The following PTGS2 variants were observed in gnomAD, a reference collection of about 807,000 sequenced individuals.
PTGS2 encodes the protein prostaglandin-endoperoxide synthase 2, also known as prostaglandin G/H synthase 2.
In PTGS2, 14 loss-of-function variants were observed where a neutral mutation model predicts 63.8. The ratio of observed to expected loss-of-function variants is 0.22; its 90% CI spans 0.14 to 0.34. The LOEUF is 0.34. Ranked by LOEUF, PTGS2 falls within the 10% of genes least tolerant of loss-of-function variation. The pLI, the probability that PTGS2 is intolerant of heterozygous loss-of-function variation, is 1.00. For synonymous variants in PTGS2, 271 were observed against 259.5 expected, an observed-to-expected ratio of 1.04 and a Z score of -0.43; for missense variants, 533 against 738.5, an observed-to-expected ratio of 0.72 and a Z score of 3.23.
Position 186,671,854 on chromosome 1 carries a change from AACAG to A in PTGS2, c.*2495_*2498del, listed in dbSNP as rs1225897781. Reference sequence around the variant, plus strand: ...TCAATTTTTAAATAGTACAAAAATAAACAGACATTTATTTCCAGACTTATCTTTT... The same window carrying A: ...TCAATTTTTAAATAGTACAAAAATAAACATTTATTTCCAGACTTATCTTTT... On this transcript the variant is annotated 3_prime_UTR_variant, in exon 10 of 10. Coordinates refer to ENST00000367468, the MANE Select transcript of PTGS2 (RefSeq NM_000963.4). The A allele has an allele frequency of 1.3e-5, 2 of 152,196 alleles. No individual in the cohort carries two copies. The highest frequency in any genetic ancestry group is 4.8e-5 in the African/African-American group (2 of 41,454). The allele number at this position is 152,196 out of a possible 1,614,324, so 9.4% of individuals were successfully genotyped here. A position where few individuals can be genotyped will look rare whatever the true frequency, so the allele number is the denominator to read the frequency against.
At chr1:186,676,211 A>T (rs1399684425) in intron 7 of PTGS2, 27 bp from the exon 8 acceptor site, 1 of 1,547,570 alleles carries the variant, frequency 6.5e-7, no homozygotes, top group African/African-American at 1.4e-5. Flanking sequence ...AATAATAAAA[A>T]CATTTATTGC....
At chr1:186,677,969 A>G in intron 4 of PTGS2, 139 bp from the exon 5 acceptor site, 1 of 807,006 alleles carries the variant, frequency 1.2e-6, no homozygotes. Context: ...AACAGTTCTA[A>G]GATATGGTGG....
rs887770390 is a variant in PTGS2, at chr1:186,680,376, G to A, written c.-86C>T. The A allele has an allele frequency of 2.0e-6, 2 of 1,008,140 alleles. No individual in the cohort carries two copies. Among genetic ancestry groups the A allele is most frequent in the Admixed American group, 2.7e-5 (1 of 37,332 alleles). 62.4% of individuals were successfully genotyped at this position (1,008,140 alleles called of 1,614,324 possible). A position where few individuals can be genotyped will look rare whatever the true frequency, so the allele number is the denominator to read the frequency against. ...TGGAGCTGAAGGAGGCGCTGCTGAGGAGTTCCTGGACGTGCTCCTGACGCT... is the reference window on the plus strand; with the variant it reads ...TGGAGCTGAAGGAGGCGCTGCTGAGAAGTTCCTGGACGTGCTCCTGACGCT... On this transcript the variant is annotated 5_prime_UTR_variant, in exon 1 of 10. Transcript: ENST00000367468.
In PTGS2 at chr1:186,674,584, A is replaced by C. The variant is rs754687795; in HGVS notation, c.1584T>G (p.Pro528=). 8.7e-6 allele frequency: 14 copies of C among 1,614,118 alleles called. No individual in the cohort carries two copies. Among genetic ancestry groups the C allele is most frequent in the African/African-American group, 1.3e-5 (1 of 74,946 alleles). Reference sequence around the variant, plus strand: ...CAAAAGTGCTTGGCTTCCAGTAGGCAGGAGAACATATAACATTACCCATAA... The same window carrying C: ...CAAAAGTGCTTGGCTTCCAGTAGGCCGGAGAACATATAACATTACCCATAA... ...KGLMGNVICS[P]AYWKPSTFGG... is the part of the protein sequence containing the mutation. Residue 528 remains proline (P), a synonymous_variant, in exon 10 of 10, where the codon CCT becomes CCG. Coordinates refer to ENST00000367468, the MANE Select transcript of PTGS2 (RefSeq NM_000963.4).
rs200583134 is a variant in PTGS2 at position 186,674,534 on chromosome 1, A to G, written c.1634T>C (p.Ile545Thr). Residue 545 changes from isoleucine (I) to threonine (T), a missense_variant, in exon 10 of 10, where the codon ATC (isoleucine) becomes ACC (threonine). Coordinates refer to ENST00000367468, the MANE Select transcript of PTGS2 (RefSeq NM_000963.4). Reference sequence around the variant, plus strand: ...GAGAGACTGAATTGAGGCAGTGTTGATGATTTGAAAACCCACTTCTCCACC... The same window carrying G: ...GAGAGACTGAATTGAGGCAGTGTTGGTGATTTGAAAACCCACTTCTCCACC... ...TFGGEVGFQI[I>T]NTASIQSLIC... The G allele has an allele frequency of 1.9e-6, 3 of 1,614,194 alleles. No homozygotes were observed. Among genetic ancestry groups the G allele is most frequent in the Non-Finnish European group, 1.7e-6 (2 of 1,180,036 alleles).
At chr1:186,679,002 T>C in intron 3 of PTGS2, 56 bp downstream of exon 3, 2 of 1,547,544 alleles carry the variant, frequency 1.3e-6, no homozygotes, top group East Asian at 2.2e-5. Flanking sequence ...TACAGTATTA[T>C]AAAGCATATT....
chr1:186,677,339 G>GT (rs1665798823), intron 5 of PTGS2, among the ~76,000 whole-genome samples: 2 of 152,184 alleles, frequency 1.3e-5, no homozygotes, highest in East Asian at 3.9e-4. Context: ...TGTTTTTGAG[G>GT]ACATAACATT....
chr1:186,676,169 A>G lies in PTGS2; in HGVS notation c.986T>C (p.Ile329Thr). ...RLILIGETIK[I>T]VIEDYVQHLS... ...GTGTTGCACATAATCTTCAATCACA[A>G]TCTTAATAGTCTCTCCTATTTGCAC... Residue 329 changes from isoleucine (I) to threonine (T), a missense_variant, in exon 8 of 10, where the codon ATT becomes ACT. Physicochemically the swap from Ile to Thr is moderately conservative, Grantham distance 89 (BLOSUM62 -1). Around this residue, in one of 5 missense-constraint regions of PTGS2, gnomAD observed 67 missense variants for 152.6 expected, o/e 0.44. Coordinates refer to ENST00000367468, the MANE Select transcript of PTGS2 (RefSeq NM_000963.4). 1 of 1,610,180 alleles carries G rather than the reference A, an allele frequency of 6.2e-7. No individual in the cohort carries two copies. The highest frequency in any genetic ancestry group is 8.5e-7 in the Non-Finnish European group (1 of 1,176,898).
rs1364188076 is a variant in PTGS2 at position 186,676,693 on chromosome 1, A to G, written c.744T>C (p.Tyr248=). ...MKYQIIDGEM[Y]PPTVKDTQAE... ...CCTGAGTATCTTTGACTGTGGGAGG[A>G]TACATCTCTCCATCAATTATCTAAA... is the stretch of plus-strand genomic sequence containing the variant. Residue 248 remains tyrosine (Y), a synonymous_variant, in exon 7 of 10, where the codon TAT becomes TAC. Coordinates refer to ENST00000367468, the MANE Select transcript of PTGS2 (RefSeq NM_000963.4). 2.5e-6 allele frequency: 4 copies of G among 1,612,346 alleles called. No individual in the cohort carries two copies. The Admixed American group carries it at 6.7e-5, about 27-fold the overall frequency.
Position 186,680,301 on chromosome 1 carries a change from G to A in PTGS2, c.-11C>T. ...GGCGCGGGCGAGCATCGCAGCGGCG[G>A]GCAGGGCGCGGCGCGGGGGTAGGCT... is the stretch of plus-strand genomic sequence containing the variant. On this transcript the variant is annotated 5_prime_UTR_variant, in exon 1 of 10. Transcript: ENST00000367468. 1 of 1,537,254 alleles carries A rather than the reference G, an allele frequency of 6.5e-7. No individual in the cohort carries two copies.
At position 186,678,280 on chromosome 1, in the gene PTGS2, C is replaced by T. The variant is rs201238353; in HGVS notation, c.438G>A (p.Pro146=). 42 of 1,609,656 alleles carry T rather than the reference C, an allele frequency of 2.6e-5. No individual in the cohort carries two copies. The African/African-American group carries it at 3.7e-4, about 14-fold the overall frequency. The change falls in exon 4 of 10, where the codon CCG becomes CCA. Residue 146 remains proline (P), a synonymous_variant. Transcript: ENST00000367468. The part of the protein sequence containing the change: ...RALPPVPDDC[P]TPLGVKGKKQ... ...ACTCACCTTTGACACCCAAGGGAGTCGGGCAATCATCAGGCACAGGAGGAA... is the reference window on the plus strand; with the variant it reads ...ACTCACCTTTGACACCCAAGGGAGTTGGGCAATCATCAGGCACAGGAGGAA...
rs943555930 is a variant in PTGS2 at position 186,673,627 on chromosome 1, A to G, written c.*726T>C. 1 of 152,188 alleles carries G rather than the reference A, an allele frequency of 6.6e-6. No homozygotes were observed. The highest frequency in any genetic ancestry group is 6.5e-5 in the Admixed American group (1 of 15,284). 9.4% of individuals were successfully genotyped at this position (152,188 alleles called of 1,614,324 possible). A position where few individuals can be genotyped will look rare whatever the true frequency, so the allele number is the denominator to read the frequency against. On this transcript the variant is annotated 3_prime_UTR_variant, in exon 10 of 10. Coordinates refer to ENST00000367468, the MANE Select transcript of PTGS2 (RefSeq NM_000963.4). ...TAACAGTCACACTAAAAAGGTTTAT[A>G]CTCTTGGTGAAAAAGGAACATCACT... is the stretch of plus-strand genomic sequence containing the variant.
rs16825745 is a variant in PTGS2 at position 186,677,308 on chromosome 1, C to T, written c.639+341G>A. Among the ~76,000 whole-genome samples, 23 of 152,134 alleles carry T rather than the reference C, an allele frequency of 1.5e-4. No individual in the cohort carries two copies. The East Asian group carries it at 3.3e-3, about 22-fold the overall frequency. ...AAACCTCACTTTACAATATTGAAAG[C>T]GGCATAATCATGGTACAATGTGTTT... On this transcript the variant is annotated intron_variant, in intron 5 of 9. Transcript: ENST00000367468.
Position 186,674,536 on chromosome 1 carries a change from G to T in PTGS2, c.1632C>A (p.Ile544=). 7 of 1,614,172 alleles carry T rather than the reference G, an allele frequency of 4.3e-6. No individual in the cohort carries two copies. The highest frequency in any genetic ancestry group is 5.9e-6 in the Non-Finnish European group (7 of 1,180,042). Residue 544 remains isoleucine, a synonymous_variant, in exon 10 of 10, where the codon ATC becomes ATA. Coordinates refer to ENST00000367468, the MANE Select transcript of PTGS2 (RefSeq NM_000963.4). ...GAGACTGAATTGAGGCAGTGTTGAT[G>T]ATTTGAAAACCCACTTCTCCACCAA... The part of the protein sequence containing the change: ...STFGGEVGFQ[I]INTASIQSLI...
chr1:186,672,173 A>C lies in PTGS2; in HGVS notation c.*2180T>G, dbSNP rs1665700563. The C allele has an allele frequency of 6.6e-6, 1 of 151,932 alleles. No homozygotes were observed. The highest frequency in any genetic ancestry group is 1.5e-5 in the Non-Finnish European group (1 of 67,958). The allele number at this position is 151,932 out of a possible 1,614,324, so 9.4% of individuals were successfully genotyped here. The stretch of plus-strand genomic sequence containing the variant: ...TTCAATTATTTATATAAATACTATT[A>C]TCTGTAATCAGCGTTTGATTTAAAA... On this transcript the variant is annotated 3_prime_UTR_variant, in exon 10 of 10. Transcript: ENST00000367468.
At position 186,674,772 on chromosome 1, in the gene PTGS2, C is replaced by T. The variant is rs770308925; in HGVS notation, c.1406-10G>A. 27 of 1,590,936 alleles carry T rather than the reference C, an allele frequency of 1.7e-5. No homozygotes were observed. In the African/African-American group the frequency reaches 2.0e-4, roughly 12 times the overall value. ...GACATTTCCTTTTCTCCTGTGAAGG[C>T]GATGAAGACAGAGATACAACCAATG... is the stretch of plus-strand genomic sequence containing the variant. On this transcript the variant is annotated splice_polypyrimidine_tract_variant and intron_variant, in intron 9 of 9. Coordinates refer to ENST00000367468, the MANE Select transcript of PTGS2 (RefSeq NM_000963.4).
chr1:186,675,467 A>G (rs2102005189), intron 8 of PTGS2, 71 bp from the exon 9 acceptor site: 1 of 1,548,564 alleles, frequency 6.5e-7, no homozygotes, highest in South Asian at 1.2e-5. Flanking sequence ...AGCTTGCCTT[A>G]GGTACAAATC....
rs1474651176 is a variant in PTGS2, at chr1:186,675,409, A to C, written c.1258-13T>G. 6.2e-7 allele frequency: 1 copy of C among 1,606,528 alleles called. No homozygotes were observed. Among genetic ancestry groups the C allele is most frequent in the Non-Finnish European group, 8.5e-7 (1 of 1,178,332 alleles). On this transcript the variant is annotated splice_polypyrimidine_tract_variant and intron_variant, in intron 8 of 9. Transcript: ENST00000367468. ...TACCACCAGCAACCTGTGGAAAGTA[A>C]AATTAGTTGTAAAACAAGAATTTTA...
chr1:186,674,995 G>A (rs1665754626), intron 9 of PTGS2, among the ~76,000 whole-genome samples: 1 of 152,124 alleles, frequency 6.6e-6, no homozygotes, highest in Non-Finnish European at 1.5e-5. Context: ...TGGCTAACAC[G>A]GTGAAACCCC....
Sources: allele counts gnomAD v4.1 joint callset (sites outside exome capture counted in the v4.1 genomes callset), GRCh38; gene constraint gnomAD v4.1.1; regional missense constraint gnomAD v4.1.1; transcripts MANE v1.5; gene names NCBI Gene and HGNC (gene_info 2026-07-23, HGNC 2026-07-21).